Variants in MSRA observed in about 807,000 individuals in gnomAD.
The protein encoded by MSRA is mitochondrial peptide methionine sulfoxide reductase.
A neutral mutation model predicts 31.3 loss-of-function variants in MSRA; 54 were observed. That is an observed-to-expected ratio of 1.73 (90% CI 1.39 to 2.17). The LOEUF is 2.17. MSRA is among the 30% of genes most tolerant of loss of function. The pLI, the probability that MSRA is intolerant of heterozygous loss-of-function variation, is 0.00. For missense variants in MSRA, 507 were observed against 300.9 expected (o/e 1.69, Z -5.07); for synonymous variants, 169 against 116.5 (o/e 1.45, Z -2.90).
chr8:10,293,359 G>A (rs912219403), intron 3 of MSRA, among the ~76,000 whole-genome samples: 47 of 152,292 alleles, frequency 3.1e-4, no homozygotes, highest in African/African-American at 1.1e-3. Flanking sequence ...TCCTGCTCTT[G>A]CTTTGGATGC....
intron 1 of MSRA, among the ~76,000 whole-genome samples, chr8:10,100,931 A>G (rs536136048): frequency 6.6e-6 from 1 of 152,126 alleles, no homozygotes; most frequent in Non-Finnish European, 1.5e-5. Flanking sequence ...GAGTGATGCC[A>G]TTCTTTTATC....
intron 3 of MSRA, among the ~76,000 whole-genome samples, chr8:10,275,564 G>A (rs1248498269): frequency 1.3e-5 from 2 of 152,152 alleles, no homozygotes; most frequent in Admixed American, 6.5e-5. Context: ...CTCTTTCTCA[G>A]GTTCTGCTTG....
intron 5 of MSRA, chr8:10,353,501 G>A (rs1157309537): frequency 1.2e-5 from 5 of 414,436 alleles, no homozygotes; most frequent in South Asian, 8.8e-5. Context: ...GGAGGCCCGT[G>A]TATCTGTGTT....
intron 1 of MSRA, among the ~76,000 whole-genome samples, chr8:10,101,375 G>T (rs1017237762): frequency 1.3e-5 from 2 of 151,964 alleles, no homozygotes; most frequent in African/African-American, 2.4e-5. Flanking sequence ...TAGAAATTGT[G>T]ATAAAATATG....
At chr8:10,358,542 C>T (rs1356048391) in intron 5 of MSRA, among the ~76,000 whole-genome samples, 1 of 143,048 alleles carries the variant, frequency 7.0e-6, no homozygotes, top group Non-Finnish European at 1.5e-5. Context: ...CGCCTCCTGT[C>T]AGATCAGCGG....
rs1304089007 is a variant in MSRA, at chr8:10,069,475, T to A, written c.142+14817T>A. ...GAACTGGGTAATTTATAAAGAAACG[T>A]ATTTTCTCACAGCTCCGGAGGCTGG... On this transcript the variant is annotated intron_variant, in intron 1 of 5. Transcript: ENST00000317173. 7.9e-5 allele frequency among the ~76,000 whole-genome samples: 12 copies of A among 152,250 alleles called. No homozygotes were observed. The East Asian group carries it at 2.3e-3, about 29-fold the overall frequency.
rs181393493 is a variant in MSRA at position 10,157,592 on chromosome 8, A to G, written c.143-50241A>G. Among the ~76,000 whole-genome samples, 393 of 152,160 alleles carry G rather than the reference A, an allele frequency of 2.6e-3. 1 individual carries two copies. Among genetic ancestry groups the G allele is most frequent in the African/African-American group, 9.0e-3 (374 of 41,508 alleles). ...CAATGTTAGGGCTTCCAACTTTGTA[A>G]GGGGCAATGAAAGTTCTCATAGGTT... On this transcript the variant is annotated intron_variant, in intron 1 of 5. Transcript: ENST00000317173.
At chr8:10,099,947 A>C (rs17739715) in intron 1 of MSRA, among the ~76,000 whole-genome samples, 2,156 of 152,254 alleles carry the variant, frequency 0.014, 27 homozygotes, top group South Asian at 0.024. Context: ...TGGAGTGCCC[A>C]GTGAGTTTAA....
At chr8:10,300,143 T>C (rs1028333003) in intron 3 of MSRA, among the ~76,000 whole-genome samples, 1 of 152,014 alleles carries the variant, frequency 6.6e-6, no homozygotes, top group Non-Finnish European at 1.5e-5. Context: ...TGTGTGTGTG[T>C]GTGTGTGCAC....
At chr8:10,195,763 G>C (rs565369593) in intron 1 of MSRA, among the ~76,000 whole-genome samples, 1 of 152,334 alleles carries the variant, frequency 6.6e-6, no homozygotes, top group Admixed American at 6.5e-5. Context: ...TGTAAAAAGA[G>C]AATCAAGACA....
intron 1 of MSRA, among the ~76,000 whole-genome samples, chr8:10,084,123 T>C (rs1207310365): frequency 1.3e-5 from 2 of 152,268 alleles, no homozygotes; most frequent in African/African-American, 4.8e-5. Flanking sequence ...TCAGCGACCC[T>C]GCTGCTCCAC....
At chr8:10,100,941 C>T (rs1289922468) in intron 1 of MSRA, among the ~76,000 whole-genome samples, 1 of 152,074 alleles carries the variant, frequency 6.6e-6, no homozygotes, top group Non-Finnish European at 1.5e-5. Flanking sequence ...ATTCTTTTAT[C>T]CTTGTCTATC....
Position 10,098,270 on chromosome 8 carries a change from G to A in MSRA, c.142+43612G>A, listed in dbSNP as rs1471801750. 1.6e-4 allele frequency among the ~76,000 whole-genome samples: 24 copies of A among 152,124 alleles called. 1 individual carries two copies. The highest frequency in any genetic ancestry group is 6.5e-5 in the Admixed American group (1 of 15,286). ...CCTCATAATTATGGTCGTTTGAATT[G>A]TATAATATTTTGAAGTAAAATTATT... is the stretch of plus-strand genomic sequence containing the variant. On this transcript the variant is annotated intron_variant, in intron 1 of 5. Coordinates refer to ENST00000317173, the MANE Select transcript of MSRA (RefSeq NM_012331.5).
intron 5 of MSRA, among the ~76,000 whole-genome samples, chr8:10,397,190 C>T (rs1807149239): frequency 6.6e-6 from 1 of 152,154 alleles, no homozygotes; most frequent in African/African-American, 2.4e-5. Flanking sequence ...TTCCCTGGTC[C>T]TGTTTTATTT....
At chr8:10,190,256 C>G (rs963770412) in intron 1 of MSRA, among the ~76,000 whole-genome samples, 37 of 152,168 alleles carry the variant, frequency 2.4e-4, no homozygotes, top group African/African-American at 8.4e-4. Flanking sequence ...AACTCAGTCT[C>G]TGCGACCTCA....
At chr8:10,111,908 C>T (rs957414879) in intron 1 of MSRA, among the ~76,000 whole-genome samples, 3 of 152,144 alleles carry the variant, frequency 2.0e-5, no homozygotes, top group African/African-American at 7.2e-5. Flanking sequence ...CAAGTGGGGA[C>T]CAGCTGGTCC....
At chr8:10,146,035 G>T (rs1803110452) in intron 1 of MSRA, among the ~76,000 whole-genome samples, 1 of 152,180 alleles carries the variant, frequency 6.6e-6, no homozygotes, top group Admixed American at 6.5e-5. Context: ...TATACTTTCA[G>T]TACCTACTAC....
chr8:10,309,023 TCTC>T (rs1006947792), intron 4 of MSRA, among the ~76,000 whole-genome samples: 5 of 152,206 alleles, frequency 3.3e-5, no homozygotes, highest in Non-Finnish European at 7.3e-5. Context: ...ACTGGCTCCT[TCTC>T]CTTTAAGTCT....
At chr8:10,062,182 C>A (rs1173178513) in intron 1 of MSRA, among the ~76,000 whole-genome samples, 1 of 152,200 alleles carries the variant, frequency 6.6e-6, no homozygotes, top group Non-Finnish European at 1.5e-5. Flanking sequence ...AGCAGCGTGC[C>A]ATCAATCATC....
Sources: gnomAD v4.1 joint callset for allele counts (sites outside exome capture counted in the v4.1 genomes callset) on GRCh38, gnomAD v4.1.1 for gene constraint, MANE v1.5 for transcripts, NCBI Gene and HGNC (gene_info 2026-07-23, HGNC 2026-07-21) for gene names.